Variants in SFTPA1 observed in about 807,000 individuals in gnomAD.
SFTPA1 encodes the protein surfactant protein A1, also known as pulmonary surfactant-associated protein A1.
A neutral mutation model predicts 19.1 loss-of-function variants in SFTPA1; 13 were observed. That is an observed-to-expected ratio of 0.68 (90% CI 0.44 to 1.08). The LOEUF (loss-of-function observed/expected upper bound fraction) is 1.08. SFTPA1 is among the 50% of genes least tolerant of loss of function. The pLI is 0.00. For missense variants in SFTPA1, 259 were observed against 316.4 expected (o/e 0.82, Z 1.38); for synonymous variants, 101 against 117.0 (o/e 0.86, Z 0.88).
Position 79,614,575 on chromosome 10 carries a change from G to A in SFTPA1, c.*462G>A, listed in dbSNP as rs1059086. On this transcript the variant is annotated 3_prime_UTR_variant, in exon 6 of 6. Coordinates refer to ENST00000398636, the MANE Select transcript of SFTPA1 (RefSeq NM_005411.5). Reference sequence around the variant, plus strand: ...ATAATGACAGAGAGAGGCAGACTTCGGGGAAGCCCTGACTGTGCAGAGCTA... The same window carrying A: ...ATAATGACAGAGAGAGGCAGACTTCAGGGAAGCCCTGACTGTGCAGAGCTA... 105 of 215,588 alleles carry A rather than the reference G, an allele frequency of 4.9e-4. No homozygotes were observed. Among genetic ancestry groups the A allele is most frequent in the African/African-American group, 1.8e-3 (80 of 43,470 alleles). The allele number at this position is 215,588 out of a possible 1,614,324, so 13.4% of individuals were successfully genotyped here. A position where few individuals can be genotyped will look rare whatever the true frequency, so the allele number is the denominator to read the frequency against.
chr10:79,613,735 A>G lies in SFTPA1; in HGVS notation c.371-2A>G, dbSNP rs1715515273. The G allele has an allele frequency of 6.2e-7, 1 of 1,613,872 alleles. No homozygotes were observed. The highest frequency in any genetic ancestry group is 8.5e-7 in the Non-Finnish European group (1 of 1,179,874). On this transcript the variant is annotated splice_acceptor_variant, in intron 5 of 5. Transcript: ENST00000398636. LOFTEE classifies it high-confidence loss of function. Reference sequence around the variant, plus strand: ...GCCTGACCCGGACTCCTCTGCTCTCAGCCCTCAGTCTGCAGGGCTCCATAA... The same window carrying G: ...GCCTGACCCGGACTCCTCTGCTCTCGGCCCTCAGTCTGCAGGGCTCCATAA...
intron 4 of SFTPA1, 132 bp from the exon 5 acceptor site, chr10:79,613,057 T>C: frequency 1.3e-6 from 2 of 1,564,812 alleles, no homozygotes; most frequent in South Asian, 2.4e-5. Flanking sequence ...CCTCTGAGCC[T>C]AGGGTCTGGG....
intron 2 of SFTPA1, 105 bp from the exon 3 acceptor site, chr10:79,611,698 C>G: frequency 6.2e-7 from 1 of 1,601,136 alleles, no homozygotes; most frequent in South Asian, 1.1e-5. Context: ...TGGTCTCGCC[C>G]GCCCTGCCTC....
chr10:79,611,407 T>C lies in SFTPA1; in HGVS notation c.-24+18T>C, dbSNP rs2132118590. ...GTCAGTGAGTGAGTGACCTGACTAA[T>C]AGCCTGGGAGGGACAGGGCAGGTTT... is the stretch of plus-strand genomic sequence containing the variant. On this transcript the variant is annotated intron_variant, in intron 2 of 5. Transcript: ENST00000398636. 5 of 627,500 alleles carry C rather than the reference T, an allele frequency of 8.0e-6. No individual in the cohort carries two copies. The South Asian group carries it at 8.3e-5, about 10-fold the overall frequency. The allele number at this position is 627,500 out of a possible 1,614,324, so 38.9% of individuals were successfully genotyped here. A position where few individuals can be genotyped will look rare whatever the true frequency, so the allele number is the denominator to read the frequency against.
Position 79,612,394 on chromosome 10 carries a change from T to A in SFTPA1, c.255T>A (p.Cys85Ter), listed in dbSNP as rs767860867. Residue 85 changes from cysteine to a stop codon, truncating the protein, a stop_gained, in exon 4 of 6, where the codon TGT becomes TGA. Coordinates refer to ENST00000398636, the MANE Select transcript of SFTPA1 (RefSeq NM_005411.5). LOFTEE classifies it high-confidence loss of function. ...LPGAPGIPGE[C>*]GEKGEPGERG... ...GAGCCCCTGGTATCCCTGGAGAGTG[T>A]GGAGAGAAGGGGGAGCCTGGCGAGA... The A allele has an allele frequency of 1.2e-6, 2 of 1,613,250 alleles. No homozygotes were observed. The highest frequency in any genetic ancestry group is 4.5e-5 in the East Asian group (2 of 44,820).
rs1059058 is a variant in SFTPA1, at chr10:79,613,972, C to T, written c.606C>T (p.Asp202=). 3,329 of 1,610,506 alleles carry T rather than the reference C, an allele frequency of 2.1e-3. 89 individuals carry two copies. In the African/African-American group the frequency reaches 0.038, roughly 18 times the overall value. Residue 202 remains aspartate (D), a synonymous_variant, in exon 6 of 6, where the codon GAC becomes GAT. Coordinates refer to ENST00000398636, the MANE Select transcript of SFTPA1 (RefSeq NM_005411.5). ...GPSPGDFRYS[D]GTPVNYTNWY... ...GCCCTGGAGACTTCCGCTACTCAGA[C>T]GGGACCCCTGTAAACTACACCAACT...
chr10:79,614,762 C>T lies in SFTPA1; in HGVS notation c.*649C>T, dbSNP rs1052617617. Reference sequence around the variant, plus strand: ...ACTCCTTTGAGTCTTTGAATGGCAACTCAGCCCCCTGACCTGAAGACAGCC... The same window carrying T: ...ACTCCTTTGAGTCTTTGAATGGCAATTCAGCCCCCTGACCTGAAGACAGCC... On this transcript the variant is annotated 3_prime_UTR_variant, in exon 6 of 6. Transcript: ENST00000398636. 4.5e-5 allele frequency: 15 copies of T among 335,886 alleles called. No homozygotes were observed. Among genetic ancestry groups the T allele is most frequent in the Non-Finnish European group, 6.1e-5 (10 of 164,366 alleles). 20.8% of individuals were successfully genotyped at this position (335,886 alleles called of 1,614,324 possible).
At chr10:79,612,893 C>A (rs1051207520) in intron 4 of SFTPA1, among the ~76,000 whole-genome samples, 1 of 114,320 alleles carries the variant, frequency 8.7e-6, no homozygotes, top group Non-Finnish European at 2.1e-5. Flanking sequence ...GTGGAGGGTG[C>A]GGGAGAGGGA....
intron 3 of SFTPA1, 58 bp from the exon 4 acceptor site, chr10:79,612,254 T>G (rs1176982399): frequency 5.0e-6 from 8 of 1,613,390 alleles, no homozygotes; most frequent in Non-Finnish European, 5.9e-6. Context: ...CGAGTCTCAC[T>G]AGCTCCAACC....
Position 79,613,184 on chromosome 10 carries a change from C to T in SFTPA1, c.293-5C>T. 2 of 1,613,996 alleles carry T rather than the reference C, an allele frequency of 1.2e-6. No homozygotes were observed. Among genetic ancestry groups the T allele is most frequent in the Non-Finnish European group, 1.7e-6 (2 of 1,179,984 alleles). On this transcript the variant is annotated splice_region_variant and splice_polypyrimidine_tract_variant and intron_variant, in intron 4 of 5. Transcript: ENST00000398636. Reference sequence around the variant, plus strand: ...CCCTCCTTCTGTGTGGGGCACTCTCCACAGGGCTTCCAGCTCATCTAGATG... The same window carrying T: ...CCCTCCTTCTGTGTGGGGCACTCTCTACAGGGCTTCCAGCTCATCTAGATG...
At position 79,614,930 on chromosome 10, in the gene SFTPA1, C is replaced by T. The variant is rs1860082102; in HGVS notation, c.*817C>T. On this transcript the variant is annotated 3_prime_UTR_variant, in exon 6 of 6. Coordinates refer to ENST00000398636, the MANE Select transcript of SFTPA1 (RefSeq NM_005411.5). ...CACCACTGGCTCTGCTTTCTCCTTT[C>T]ATTAATCCATTCACCCAGATATTTC... The T allele has an allele frequency of 8.1e-7, 1 of 1,228,206 alleles. No individual in the cohort carries two copies. Among genetic ancestry groups the T allele is most frequent in the African/African-American group, 1.6e-5 (1 of 64,244 alleles). The allele number at this position is 1,228,206 out of a possible 1,614,324, so 76.1% of individuals were successfully genotyped here.
intron 4 of SFTPA1, 76 bp from the exon 5 acceptor site, chr10:79,613,113 G>A: frequency 1.2e-6 from 2 of 1,612,406 alleles, no homozygotes; most frequent in Admixed American, 1.7e-5. Context: ...GATTGCAGAT[G>A]GCAAAACACC....
At chr10:79,612,239 G>A (rs1859894833) in intron 3 of SFTPA1, 73 bp from the exon 4 acceptor site, 3 of 1,612,844 alleles carry the variant, frequency 1.9e-6, no homozygotes, top group Non-Finnish European at 1.7e-6. Context: ...GGTGATAATG[G>A]GCATCGAGTC....
At position 79,615,336 on chromosome 10, in the gene SFTPA1, G is replaced by T; in HGVS notation, c.*1223G>T. On this transcript the variant is annotated 3_prime_UTR_variant, in exon 6 of 6. Transcript: ENST00000398636. ...TTATTCCAGAGAGCAAGTGGCAGAG[G>T]CTGGATCCAAACCCATCTTCCTGGA... 1 of 266,144 alleles carries T rather than the reference G, an allele frequency of 3.8e-6. No homozygotes were observed. The allele number at this position is 266,144 out of a possible 1,614,324, so 16.5% of individuals were successfully genotyped here.
Position 79,614,727 on chromosome 10 carries a change from T to C in SFTPA1, c.*614T>C. On this transcript the variant is annotated 3_prime_UTR_variant, in exon 6 of 6. Coordinates refer to ENST00000398636, the MANE Select transcript of SFTPA1 (RefSeq NM_005411.5). ...GGCCAAGCCAACCCCATGATTGATG[T>C]GTACGATTCACTCCTTTGAGTCTTT... 3.1e-6 allele frequency: 1 copy of C among 318,118 alleles called. No individual in the cohort carries two copies. Among genetic ancestry groups the C allele is most frequent in the Non-Finnish European group, 6.4e-6 (1 of 156,120 alleles). The allele number at this position is 318,118 out of a possible 1,614,324, so 19.7% of individuals were successfully genotyped here.
rs1322643244 is a variant in SFTPA1 at position 79,614,657 on chromosome 10, C to G, written c.*544C>G. The stretch of plus-strand genomic sequence containing the variant: ...GGTCTCTGTGGCAGGCCTGGTCAGG[C>G]TCTCCATGAGGTTAGAAGGCCAGGT... On this transcript the variant is annotated 3_prime_UTR_variant, in exon 6 of 6. Coordinates refer to ENST00000398636, the MANE Select transcript of SFTPA1 (RefSeq NM_005411.5). 3 of 265,124 alleles carry G rather than the reference C, an allele frequency of 1.1e-5. No homozygotes were observed. The highest frequency in any genetic ancestry group is 6.7e-5 in the African/African-American group (3 of 45,092). The allele number at this position is 265,124 out of a possible 1,614,324, so 16.4% of individuals were successfully genotyped here.
chr10:79,611,236 C>T (rs940242195), intron 1 of SFTPA1, 83 bp from the exon 2 acceptor site: 2 of 225,262 alleles, frequency 8.9e-6, no homozygotes, highest in Non-Finnish European at 1.8e-5. Context: ...AGAGAACAGA[C>T]CCCAAAAAGA....
rs150488500 is a variant in SFTPA1 at position 79,611,408 on chromosome 10, A to G, written c.-24+19A>G. On this transcript the variant is annotated intron_variant, in intron 2 of 5. Transcript: ENST00000398636. ...TCAGTGAGTGAGTGACCTGACTAAT[A>G]GCCTGGGAGGGACAGGGCAGGTTTT... 1.5e-3 allele frequency: 945 copies of G among 629,588 alleles called. 6 individuals are homozygous for G. In the African/African-American group the frequency reaches 0.015, roughly 10 times the overall value. 39.0% of individuals were successfully genotyped at this position (629,588 alleles called of 1,614,324 possible).
At chr10:79,612,910 C>A (rs1859945427) in intron 4 of SFTPA1, among the ~76,000 whole-genome samples, 1 of 152,066 alleles carries the variant, frequency 6.6e-6, no homozygotes, top group South Asian at 2.1e-4. Flanking sequence ...GGGACTTGCC[C>A]CACAGAGGCG....
Sources: gnomAD v4.1 joint callset for allele counts (sites outside exome capture counted in the v4.1 genomes callset) on GRCh38, gnomAD v4.1.1 for gene constraint, MANE v1.5 for transcripts, NCBI Gene and HGNC (gene_info 2026-07-23, HGNC 2026-07-21) for gene names.